PRRT1B: variants seen among roughly 807,000 people sequenced by gnomAD.
PRRT1B encodes the protein dispanin subfamily D member 2.
intron 1 of PRRT1B, among the ~76,000 whole-genome samples, chr9:131,547,070 T>TTA (rs1258473801): frequency 2.7e-5 from 1 of 36,428 alleles, no homozygotes; most frequent in Admixed American, 2.9e-4. Context: ...GTTCGCTTTT[T>TTA]TTTTTTTTTT....
intron 3 of PRRT1B, 145 bp from the exon 4 acceptor site, chr9:131,557,908 G>A (rs1023512867): frequency 1.3e-5 from 5 of 397,016 alleles, no homozygotes; most frequent in African/African-American, 8.2e-5. Flanking sequence ...GCCCCCTTTC[G>A]AGCTGTGGGC....
At chr9:131,559,408 T>C (rs897915856), downstream of PRRT1B, among the ~76,000 whole-genome samples, 3 of 152,194 alleles carry the variant, frequency 2.0e-5, no homozygotes, top group African/African-American at 7.2e-5. Context: ...GCCACTGCAC[T>C]CCAGCCTGGG....
chr9:131,549,570 C>T (rs1243284870), intron 1 of PRRT1B, among the ~76,000 whole-genome samples: 2 of 152,174 alleles, frequency 1.3e-5, no homozygotes, highest in South Asian at 2.1e-4. Context: ...TCACGCTGCC[C>T]GATCGCCTCA....
At chr9:131,558,921 CCTCT>C (rs1399446929), downstream of PRRT1B, among the ~76,000 whole-genome samples, 3 of 152,218 alleles carry the variant, frequency 2.0e-5, no homozygotes, top group East Asian at 1.9e-4. Context: ...CCTACCCACT[CCTCT>C]CTGAGATGCT....
At chr9:131,546,378 C>T (rs543873050) in intron 1 of PRRT1B, among the ~76,000 whole-genome samples, 17 of 152,258 alleles carry the variant, frequency 1.1e-4, no homozygotes, top group African/African-American at 4.1e-4. Flanking sequence ...AACTCGACGT[C>T]GCCCACCCCC....
chr9:131,546,812 C>G (rs1441293435), intron 1 of PRRT1B, among the ~76,000 whole-genome samples: 1 of 152,182 alleles, frequency 6.6e-6, no homozygotes, highest in African/African-American at 2.4e-5. Context: ...GCCCTATCTC[C>G]GCGCCATCGG....
chr9:131,559,183 C>T (rs1189130775), downstream of PRRT1B, among the ~76,000 whole-genome samples: 1 of 151,338 alleles, frequency 6.6e-6, no homozygotes, highest in Non-Finnish European at 1.5e-5. Context: ...GTGGCTCACA[C>T]CTGTAATCCC....
exon 4 of PRRT1B, chr9:131,558,357 A>G (rs1564418817): frequency 2.5e-6 from 1 of 396,144 alleles, no homozygotes; most frequent in African/African-American, 2.1e-5. Context: ...GCAGCCCTCA[A>G]CTGACTTGTG....
In PRRT1B at chr9:131,551,596, C is replaced by T. The variant is rs1219614382; in HGVS notation, c.26-2961C>T. Among the ~76,000 whole-genome samples the T allele has an allele frequency of 6.6e-6, 1 of 152,108 alleles. No homozygotes were observed. Among genetic ancestry groups the T allele is most frequent in the African/African-American group, 2.4e-5 (1 of 41,418 alleles). ...GACCTGCATGTACACATCCAGGTGG[C>T]CGGTTCCTGCCTTAACTGATGACAT... On this transcript the variant is annotated intron_variant, in intron 1 of 3. Coordinates refer to ENST00000636672, the Ensembl canonical transcript of PRRT1B. The surrounding 1 kb of genome is among the most constrained non-coding windows in gnomAD (Gnocchi z 4.4).
At chr9:131,558,677 G>C (rs377613705), downstream of PRRT1B, 7 of 152,880 alleles carry the variant, frequency 4.6e-5, no homozygotes, top group African/African-American at 1.7e-4. Flanking sequence ...ACCTTTCCCT[G>C]CGGGAGAGTG....
intron 3 of PRRT1B, among the ~76,000 whole-genome samples, chr9:131,557,259 C>T (rs1951056661): frequency 6.6e-6 from 1 of 152,176 alleles, no homozygotes; most frequent in Non-Finnish European, 1.5e-5. Context: ...AGAAGCAGGG[C>T]TGGGCATGGT....
At chr9:131,559,566 C>T (rs1254306204), downstream of PRRT1B, among the ~76,000 whole-genome samples, 1 of 152,242 alleles carries the variant, frequency 6.6e-6, no homozygotes, top group Non-Finnish European at 1.5e-5. Context: ...AACCCTGGCA[C>T]CAGGGGCTGA....
intron 1 of PRRT1B, among the ~76,000 whole-genome samples, chr9:131,553,624 T>A (rs1422356232): frequency 6.6e-6 from 1 of 152,154 alleles, no homozygotes; most frequent in East Asian, 1.9e-4. Flanking sequence ...CCACCCCCAC[T>A]GAGATGTCTG....
downstream of PRRT1B, among the ~76,000 whole-genome samples, chr9:131,559,299 C>T (rs746974866): frequency 6.6e-6 from 1 of 152,144 alleles, no homozygotes; most frequent in Non-Finnish European, 1.5e-5. Context: ...AAAAATTAGC[C>T]GAGTGTAGTG....
At chr9:131,558,336 GGGCAGGCTT>G in exon 4 of PRRT1B, 1 of 397,738 alleles carries the variant, frequency 2.5e-6, no homozygotes, top group East Asian at 3.6e-5. Context: ...GGCCAGAAGA[GGGCAGGCTT>G]GGCAGCCCTC....
chr9:131,554,597 G>A (rs868499249), exon 2 of PRRT1B: 136 of 396,052 alleles, frequency 3.4e-4, no homozygotes, highest in Middle Eastern at 3.1e-3. Context: ...CCACCCCCGA[G>A]GACCCCCGGA....
At chr9:131,559,680 G>T (rs1457749770), downstream of PRRT1B, among the ~76,000 whole-genome samples, 1 of 152,202 alleles carries the variant, frequency 6.6e-6, no homozygotes, top group Non-Finnish European at 1.5e-5. Flanking sequence ...GTGGATTTTT[G>T]TTCAGTAAGC....
At chr9:131,550,212 G>A (rs1468343578) in intron 1 of PRRT1B, among the ~76,000 whole-genome samples, 1 of 152,070 alleles carries the variant, frequency 6.6e-6, no homozygotes, top group Non-Finnish European at 1.5e-5. Flanking sequence ...CAGGATCTGC[G>A]CCTTATCATC....
chr9:131,558,000 G>T (rs1187523159), intron 3 of PRRT1B, 53 bp from the exon 4 acceptor site: 2 of 398,522 alleles, frequency 5.0e-6, no homozygotes, highest in Non-Finnish European at 8.8e-6. Flanking sequence ...CTGGGAGGGA[G>T]TGGGGGCTCC....
Sources: allele counts gnomAD v4.1 joint callset (sites outside exome capture counted in the v4.1 genomes callset), GRCh38; gene constraint gnomAD v4.1.1; non-coding constraint Gnocchi (gnomAD v3.1); transcripts MANE v1.5; gene names NCBI Gene and HGNC (gene_info 2026-07-23, HGNC 2026-07-21).